Variants in KCNQ5 observed in about 807,000 individuals in gnomAD.
KCNQ5 encodes the protein potassium voltage-gated channel subfamily Q member 5.
Under a neutral mutation model 98.2 loss-of-function variants are expected in KCNQ5, and 30 were observed. The observed-to-expected ratio is 0.31, with a 90% confidence interval of 0.23 to 0.41. The LOEUF (loss-of-function observed/expected upper bound fraction) is 0.41. Among genes scored for constraint, KCNQ5 ranks in the 10% least tolerant of loss-of-function variants. The pLI is 1.00. For synonymous variants in KCNQ5, 458 were observed against 449.4 expected (o/e 1.02, Z -0.24); for missense variants, 835 against 1,182.5 (o/e 0.71, Z 4.31).
At chr6:72,997,511 C>T (rs146576901) in intron 1 of KCNQ5, among the ~76,000 whole-genome samples, 133 of 151,896 alleles carry the variant, frequency 8.8e-4, no homozygotes, top group Middle Eastern at 3.4e-3. Context: ...CACAGTAGCT[C>T]ATGCCTGTAA....
intron 1 of KCNQ5, chr6:72,986,688 G>T: frequency 9.0e-7 from 1 of 1,105,312 alleles, no homozygotes; most frequent in South Asian, 1.4e-5. Flanking sequence ...GAGTTCCTCT[G>T]TGGGGAGAAG....
chr6:73,135,578 C>T (rs1411485275), intron 10 of KCNQ5: 2 of 152,160 alleles, frequency 1.3e-5, no homozygotes, highest in African/African-American at 4.8e-5. Flanking sequence ...TAACACCTTT[C>T]CTTAAGCTGA....
intron 1 of KCNQ5, among the ~76,000 whole-genome samples, chr6:72,731,748 C>T (rs902161893): frequency 4.6e-5 from 7 of 152,144 alleles, no homozygotes; most frequent in African/African-American, 1.7e-4. Flanking sequence ...AGAGGTTGCT[C>T]CCAACAATAT....
intron 1 of KCNQ5, among the ~76,000 whole-genome samples, chr6:72,846,748 T>G (rs537728012): frequency 2.0e-4 from 31 of 152,174 alleles, no homozygotes; most frequent in Non-Finnish European, 4.0e-4. Context: ...ATTTGGCTGT[T>G]AAAAGTGTCA....
chr6:73,111,813 T>C (rs1468878997), intron 7 of KCNQ5, among the ~76,000 whole-genome samples: 1 of 152,244 alleles, frequency 6.6e-6, no homozygotes, highest in Non-Finnish European at 1.5e-5. Context: ...GTTGCTGTTT[T>C]AAAGAACAAC....
intron 1 of KCNQ5, among the ~76,000 whole-genome samples, chr6:72,799,582 T>G (rs1283852785): frequency 6.6e-6 from 1 of 152,150 alleles, no homozygotes; most frequent in Admixed American, 6.6e-5. Flanking sequence ...CCATTTCAAC[T>G]CAAGAAAAAG....
chr6:72,795,315 A>G (rs1310066790), intron 1 of KCNQ5, among the ~76,000 whole-genome samples: 1 of 152,162 alleles, frequency 6.6e-6, no homozygotes, highest in Non-Finnish European at 1.5e-5. Context: ...TCAGAACCTG[A>G]ACCAAATGCA....
chr6:72,816,651 A>G (rs930373437), intron 1 of KCNQ5, among the ~76,000 whole-genome samples: 2 of 152,234 alleles, frequency 1.3e-5, no homozygotes, highest in African/African-American at 4.8e-5. Context: ...GTAACAATTA[A>G]CATGGTCTGC....
chr6:72,969,785 C>G (rs1481188125), intron 1 of KCNQ5, among the ~76,000 whole-genome samples: 2 of 152,172 alleles, frequency 1.3e-5, no homozygotes, highest in Admixed American at 6.6e-5. Context: ...TCCCTATTAT[C>G]TATCCCTATT....
intron 1 of KCNQ5, among the ~76,000 whole-genome samples, chr6:72,736,592 C>T (rs111720639): frequency 0.034 from 4,810 of 142,138 alleles, 277 homozygotes; most frequent in African/African-American, 0.12. Context: ...CTCCGCCTCC[C>T]GGGTTCACGC....
intron 1 of KCNQ5, among the ~76,000 whole-genome samples, chr6:72,729,419 C>T (rs1770445306): frequency 6.6e-6 from 1 of 152,182 alleles, no homozygotes; most frequent in Non-Finnish European, 1.5e-5. Flanking sequence ...TCCCAAGTAT[C>T]TGGGACTACA....
At chr6:72,801,126 G>T (rs1426727737) in intron 1 of KCNQ5, among the ~76,000 whole-genome samples, 124 of 151,816 alleles carry the variant, frequency 8.2e-4, no homozygotes, top group African/African-American at 7.7e-4. Context: ...GAGAGTTCTG[G>T]AGATGTCTAT....
chr6:72,635,225 T>C (rs959157599), intron 1 of KCNQ5, among the ~76,000 whole-genome samples: 3 of 152,004 alleles, frequency 2.0e-5, no homozygotes, highest in Non-Finnish European at 2.9e-5. Flanking sequence ...AGACAGGGTC[T>C]CACTATGTTG....
intron 1 of KCNQ5, among the ~76,000 whole-genome samples, chr6:72,849,214 C>T (rs566347588): frequency 1.1e-3 from 163 of 152,116 alleles, no homozygotes; most frequent in African/African-American, 3.8e-3. Flanking sequence ...AAATTGATTA[C>T]ATATATTTTA....
At chr6:72,897,298 T>C (rs1324772470) in intron 1 of KCNQ5, among the ~76,000 whole-genome samples, 2 of 152,076 alleles carry the variant, frequency 1.3e-5, no homozygotes, top group African/African-American at 4.8e-5. Flanking sequence ...CCCAGCACTT[T>C]GGGAGGCCGA....
intron 11 of KCNQ5, among the ~76,000 whole-genome samples, chr6:73,171,830 G>GA (rs917309318): frequency 6.6e-6 from 1 of 152,156 alleles, no homozygotes; most frequent in African/African-American, 2.4e-5. Context: ...AACAAGTATG[G>GA]AAAATCTTAT....
intron 1 of KCNQ5, among the ~76,000 whole-genome samples, chr6:72,818,853 A>G (rs1467499792): frequency 1.3e-5 from 2 of 151,518 alleles, no homozygotes; most frequent in Non-Finnish European, 1.5e-5. Flanking sequence ...TAATTCTTTA[A>G]CAAAGAATTA....
intron 1 of KCNQ5, among the ~76,000 whole-genome samples, chr6:72,886,625 CACACTATAG>C (rs1485879641): frequency 6.6e-6 from 1 of 152,102 alleles, no homozygotes; most frequent in Non-Finnish European, 1.5e-5. Context: ...GAAATCCATA[CACACTATAG>C]ACAAACTGTA....
At chr6:72,845,304 G>A (rs950286218) in intron 1 of KCNQ5, among the ~76,000 whole-genome samples, 5 of 152,118 alleles carry the variant, frequency 3.3e-5, no homozygotes, top group African/African-American at 9.7e-5. Flanking sequence ...CTAAGATAGA[G>A]CATCACCAAC....
Sources: gnomAD v4.1 joint callset for allele counts (sites outside exome capture counted in the v4.1 genomes callset) on GRCh38, gnomAD v4.1.1 for gene constraint, MANE v1.5 for transcripts, NCBI Gene and HGNC (gene_info 2026-07-23, HGNC 2026-07-21) for gene names.